The following MAGI1 variants were observed in gnomAD, a reference collection of about 807,000 sequenced individuals.
MAGI1 encodes the protein membrane associated guanylate kinase, WW and PDZ domain containing 1, also known as membrane-associated guanylate kinase, WW and PDZ domain-containing protein 1.
In MAGI1, 58 loss-of-function variants were observed where a neutral mutation model predicts 139.9. That is an observed-to-expected ratio of 0.41 (90% CI 0.34 to 0.52). The LOEUF (loss-of-function observed/expected upper bound fraction) is 0.52, where lower values mean the gene tolerates loss of function less well. Among genes scored for constraint, MAGI1 ranks in the 20% least tolerant of loss-of-function variants. The probability of loss-of-function intolerance (pLI) is 0.12; values close to 1 mark genes in which losing one functional copy is unlikely to be tolerated. For missense variants in MAGI1, 1,874 were observed against 1,901.6 expected (o/e 0.99, Z 0.27); for synonymous variants, 812 against 737.9 (o/e 1.10, Z -1.63).
intron 1 of MAGI1, chr3:65,717,666 C>T (rs1253815154): frequency 6.6e-6 from 1 of 152,212 alleles, no homozygotes; most frequent in Non-Finnish European, 1.5e-5. Flanking sequence ...CTTGCAATAT[C>T]TAGACATTCC....
chr3:65,510,529 C>G (rs1466165905), intron 2 of MAGI1, among the ~76,000 whole-genome samples: 4 of 148,224 alleles, frequency 2.7e-5, no homozygotes, highest in Non-Finnish European at 5.9e-5. Context: ...GGAGCCGATG[C>G]GATCAACTGG....
intron 1 of MAGI1, among the ~76,000 whole-genome samples, chr3:65,845,480 G>A (rs1288587783): frequency 2.6e-5 from 4 of 152,066 alleles, no homozygotes; most frequent in South Asian, 4.1e-4. Flanking sequence ...GATAATTCTC[G>A]TTTAGCTTTG....
At chr3:65,671,925 G>A (rs924500284) in intron 1 of MAGI1, among the ~76,000 whole-genome samples, 7 of 152,086 alleles carry the variant, frequency 4.6e-5, no homozygotes, top group Non-Finnish European at 5.9e-5. Context: ...AAGCTGACCC[G>A]TGATAGACTT....
intron 1 of MAGI1, among the ~76,000 whole-genome samples, chr3:65,723,121 C>T (rs930120364): frequency 6.6e-6 from 1 of 152,146 alleles, no homozygotes; most frequent in African/African-American, 2.4e-5. Flanking sequence ...AATGGAGAAC[C>T]TGCCTTAGAG....
chr3:65,757,415 C>T (rs2107854926), intron 1 of MAGI1, among the ~76,000 whole-genome samples: 1 of 152,278 alleles, frequency 6.6e-6, no homozygotes, highest in Non-Finnish European at 1.5e-5. Flanking sequence ...GAGGCTGAGG[C>T]AAGTGGATCA....
chr3:65,832,256 G>A (rs2042569716), intron 1 of MAGI1, among the ~76,000 whole-genome samples: 1 of 152,186 alleles, frequency 6.6e-6, no homozygotes, highest in Non-Finnish European at 1.5e-5. Flanking sequence ...AAATGCAGCT[G>A]GTTCTGTGCA....
chr3:65,895,578 T>G (rs2060934970), intron 1 of MAGI1, among the ~76,000 whole-genome samples: 1 of 152,210 alleles, frequency 6.6e-6, no homozygotes, highest in South Asian at 2.1e-4. Flanking sequence ...CTTTATATGA[T>G]CAATGACCAT....
At chr3:65,715,974 G>A (rs1241146179) in intron 1 of MAGI1, among the ~76,000 whole-genome samples, 1 of 152,194 alleles carries the variant, frequency 6.6e-6, no homozygotes, top group Non-Finnish European at 1.5e-5. Context: ...TGTTGAAGTA[G>A]AGCTTTCAAA....
chr3:65,443,611 C>A (rs1042604679), intron 7 of MAGI1, among the ~76,000 whole-genome samples: 1 of 152,214 alleles, frequency 6.6e-6, no homozygotes, highest in Non-Finnish European at 1.5e-5. Flanking sequence ...TCTGTCTGAA[C>A]AAGAATCTGT....
intron 1 of MAGI1, among the ~76,000 whole-genome samples, chr3:65,898,544 T>C (rs1460577451): frequency 6.6e-6 from 1 of 152,096 alleles, no homozygotes; most frequent in East Asian, 1.9e-4. Context: ...TGTTGACAGG[T>C]ATAGAAAATA....
intron 1 of MAGI1, among the ~76,000 whole-genome samples, chr3:65,928,244 T>C (rs1560022985): frequency 2.6e-5 from 4 of 152,192 alleles, no homozygotes; most frequent in Non-Finnish European, 4.4e-5. Flanking sequence ...GAGTTTACAG[T>C]GGTCACTTAA....
At position 65,501,453 on chromosome 3, in the gene MAGI1, C is replaced by CAAAAAAAAA. The variant is rs35967662; in HGVS notation, c.431-7831_431-7823dup. ...TGGGCAACATAGCGAGACTCTGTCT[C>CAAAAAAAAA]AAAAAAAAAAAAAAAAAAAAAATTT... On this transcript the variant is annotated intron_variant, in intron 2 of 22. Coordinates refer to ENST00000402939, the MANE Select transcript of MAGI1 (RefSeq NM_001033057.2). Among the ~76,000 whole-genome samples the CAAAAAAAAA allele has an allele frequency of 4.6e-3, 370 of 80,628 alleles. 6 individuals carry two copies. Among genetic ancestry groups the CAAAAAAAAA allele is most frequent in the South Asian group, 7.9e-3 (14 of 1,770 alleles). 52.9% of individuals were successfully genotyped at this position (80,628 alleles called of 152,430 possible). A position where few individuals can be genotyped will look rare whatever the true frequency, so the allele number is the denominator to read the frequency against.
chr3:65,405,451 G>A (rs925306730), intron 12 of MAGI1, among the ~76,000 whole-genome samples: 3 of 152,214 alleles, frequency 2.0e-5, no homozygotes, highest in Non-Finnish European at 4.4e-5. Flanking sequence ...AGAAGGTTAT[G>A]TGCGAAAACA....
chr3:65,820,403 G>A (rs1575605216), intron 1 of MAGI1, among the ~76,000 whole-genome samples: 1 of 152,188 alleles, frequency 6.6e-6, no homozygotes, highest in Admixed American at 6.5e-5. Context: ...CCAGTCACAT[G>A]GGCAGTGTGA....
chr3:65,530,806 C>T (rs1353364132), intron 2 of MAGI1, among the ~76,000 whole-genome samples: 1,636 of 42,052 alleles, frequency 0.039, 197 homozygotes, highest in African/African-American at 0.16. Context: ...TATATATATA[C>T]ACACATATAT....
At chr3:65,517,747 C>T (rs965098671) in intron 2 of MAGI1, among the ~76,000 whole-genome samples, 1 of 152,096 alleles carries the variant, frequency 6.6e-6, no homozygotes, top group African/African-American at 2.4e-5. Context: ...TCCTCTGAGC[C>T]TCGAGACTCA....
At chr3:65,772,863 G>A (rs1200162441) in intron 1 of MAGI1, among the ~76,000 whole-genome samples, 1 of 152,178 alleles carries the variant, frequency 6.6e-6, no homozygotes, top group Non-Finnish European at 1.5e-5. Context: ...TGCACAGAAA[G>A]CAATTAACAG....
chr3:65,675,003 C>T (rs556890853), intron 1 of MAGI1, among the ~76,000 whole-genome samples: 10 of 152,058 alleles, frequency 6.6e-5, no homozygotes, highest in Non-Finnish European at 1.5e-4. Context: ...CAGAGCTGCA[C>T]TTTCCAAGTG....
intron 2 of MAGI1, among the ~76,000 whole-genome samples, chr3:65,589,206 T>C (rs1372097119): frequency 6.6e-6 from 1 of 152,190 alleles, no homozygotes; most frequent in Non-Finnish European, 1.5e-5. Context: ...TTCCTTACAA[T>C]GGGGCAGTGA....
Sources: allele counts gnomAD v4.1 joint callset (sites outside exome capture counted in the v4.1 genomes callset), GRCh38; gene constraint gnomAD v4.1.1; transcripts MANE v1.5; gene names NCBI Gene and HGNC (gene_info 2026-07-23, HGNC 2026-07-21).